TBXAS1: variants seen among roughly 807,000 people sequenced by gnomAD.
TBXAS1 encodes the protein thromboxane A synthase 1, also known as thromboxane-A synthase.
Under a neutral mutation model 60.7 loss-of-function variants are expected in TBXAS1, and 48 were observed. The observed-to-expected ratio is 0.79, with a 90% CI of 0.63 to 1.01. TBXAS1 has a LOEUF of 1.01. Ranked by LOEUF, TBXAS1 falls within the 50% of genes least tolerant of loss-of-function variation. The probability of loss-of-function intolerance (pLI) is 0.00; values close to 1 mark genes in which losing one functional copy is unlikely to be tolerated. For synonymous variants in TBXAS1, 287 were observed against 269.7 expected (o/e 1.06, Z -0.63); for missense variants, 685 against 686.3 (o/e 1.00, Z 0.02).
At chr7:139,986,726 T>C (rs1812485877) in intron 9 of TBXAS1, among the ~76,000 whole-genome samples, 1 of 59,348 alleles carries the variant, frequency 1.7e-5, no homozygotes, top group Non-Finnish European at 2.7e-5. Flanking sequence ...TTCCATCATA[T>C]ATATATATAT....
At chr7:139,993,274 C>A (rs1569523512) in intron 9 of TBXAS1, among the ~76,000 whole-genome samples, 1 of 152,136 alleles carries the variant, frequency 6.6e-6, no homozygotes, top group Non-Finnish European at 1.5e-5. Flanking sequence ...GCCCCGTCTC[C>A]AAGTATATGA....
At chr7:139,910,630 C>T (rs1805446703) in intron 3 of TBXAS1, among the ~76,000 whole-genome samples, 1 of 152,088 alleles carries the variant, frequency 6.6e-6, no homozygotes, top group Admixed American at 6.5e-5. Context: ...GAGCAAGACT[C>T]CATCACAAAA....
intron 3 of TBXAS1, among the ~76,000 whole-genome samples, chr7:139,908,474 C>A (rs896027154): frequency 2.0e-5 from 3 of 151,972 alleles, no homozygotes; most frequent in African/African-American, 7.2e-5. Context: ...TCCATTTTGG[C>A]TTATCATAAT....
intron 1 of TBXAS1, among the ~76,000 whole-genome samples, chr7:139,832,194 G>T (rs757334960): frequency 6.6e-6 from 1 of 152,130 alleles, no homozygotes; most frequent in Non-Finnish European, 1.5e-5. Flanking sequence ...GGGAAAGGGA[G>T]ACCCTCCTCT....
chr7:139,801,323 G>A (rs1415816135), intron 4 of TBXAS1, among the ~76,000 whole-genome samples: 5 of 152,140 alleles, frequency 3.3e-5, no homozygotes, highest in African/African-American at 1.2e-4. Flanking sequence ...TACAAATGCA[G>A]GTCTTGCTTC....
At position 140,010,013 on chromosome 7, in the gene TBXAS1, C is replaced by T. The variant is rs1316877428; in HGVS notation, c.1226+2831C>T. ...ACCCGCTCCACACCCGCTTCACACC[C>T]GCTCCACACCCGCCCCACACCTCCA... is the stretch of plus-strand genomic sequence containing the variant. On this transcript the variant is annotated intron_variant, in intron 10 of 12. Coordinates refer to ENST00000448866, the MANE Select transcript of TBXAS1 (RefSeq NM_001061.7). Among the ~76,000 whole-genome samples, 17 of 130,430 alleles carry T rather than the reference C, an allele frequency of 1.3e-4. 1 individual carries two copies. Among genetic ancestry groups the T allele is most frequent in the Admixed American group, 2.3e-4 (3 of 13,008 alleles). 85.6% of individuals were successfully genotyped at this position (130,430 alleles called of 152,430 possible).
intron 5 of TBXAS1, 72 bp downstream of exon 5, chr7:139,936,379 C>G: frequency 6.9e-7 from 1 of 1,451,884 alleles, no homozygotes; most frequent in Middle Eastern, 1.7e-4. Context: ...TGATGAGAGC[C>G]AGTTCATGTT....
intron 4 of TBXAS1, among the ~76,000 whole-genome samples, chr7:139,818,811 A>G (rs953695031): frequency 6.6e-5 from 10 of 152,196 alleles, no homozygotes; most frequent in Non-Finnish European, 1.3e-4. Context: ...GACGGCTCCA[A>G]TGGCTTCATG....
intron 9 of TBXAS1, among the ~76,000 whole-genome samples, chr7:139,982,070 G>A (rs1001016770): frequency 1.3e-5 from 2 of 152,144 alleles, no homozygotes; most frequent in African/African-American, 4.8e-5. Context: ...TTGTTTATGA[G>A]TTACTTAGGG....
intron 3 of TBXAS1, among the ~76,000 whole-genome samples, chr7:139,784,670 T>A (rs543381299): frequency 6.6e-6 from 1 of 152,312 alleles, no homozygotes; most frequent in African/African-American, 2.4e-5. Flanking sequence ...GGAATGACGC[T>A]GGAGATTGTA....
At chr7:139,839,564 T>A (rs146578030) in intron 1 of TBXAS1, among the ~76,000 whole-genome samples, 30 of 150,916 alleles carry the variant, frequency 2.0e-4, no homozygotes, top group Admixed American at 1.5e-3. Context: ...TCAGGCTGGG[T>A]GTGGTGGCTT....
intron 9 of TBXAS1, among the ~76,000 whole-genome samples, chr7:140,001,935 C>T (rs2116346757): frequency 6.6e-6 from 1 of 152,294 alleles, no homozygotes; most frequent in East Asian, 1.9e-4. Context: ...GTCCCTGATC[C>T]CAAATGTGGG....
intron 1 of TBXAS1, among the ~76,000 whole-genome samples, chr7:139,846,373 T>A (rs1046155878): frequency 6.6e-6 from 1 of 152,184 alleles, no homozygotes; most frequent in African/African-American, 2.4e-5. Context: ...GCAATAGATG[T>A]CAGGTCTCCG....
In TBXAS1 at chr7:140,017,976, C is replaced by T. The variant is rs1300058397; in HGVS notation, c.1527+143C>T. The T allele has an allele frequency of 5.5e-6, 6 of 1,093,516 alleles. No individual in the cohort carries two copies. In the Admixed American group the frequency reaches 9.5e-5, roughly 17 times the overall value. 67.7% of individuals were successfully genotyped at this position (1,093,516 alleles called of 1,614,324 possible). A position where few individuals can be genotyped will look rare whatever the true frequency, so the allele number is the denominator to read the frequency against. ...GGCAAGCTCCTTAACCTCTCTCGGC[C>T]TCAGTTTCTTGATTCGTAAAGTGGG... On this transcript the variant is annotated intron_variant, in intron 12 of 12. Transcript: ENST00000448866.
intron 1 of TBXAS1, among the ~76,000 whole-genome samples, chr7:139,831,907 G>C (rs1377353373): frequency 3.3e-5 from 5 of 152,166 alleles, no homozygotes. Flanking sequence ...CCTCCAGCCT[G>C]GGTGACAAAG....
At chr7:139,958,779 C>T (rs1301701867) in intron 8 of TBXAS1, among the ~76,000 whole-genome samples, 1 of 152,220 alleles carries the variant, frequency 6.6e-6, no homozygotes, top group East Asian at 1.9e-4. Context: ...AAGCTTGCAG[C>T]CCCCTCGGCC....
intron 5 of TBXAS1, among the ~76,000 whole-genome samples, chr7:139,951,988 A>AAG (rs1809427332): frequency 6.7e-6 from 1 of 149,500 alleles, no homozygotes; most frequent in Non-Finnish European, 1.5e-5. Context: ...GAAAGAAAGA[A>AAG]AGAAAGAAAG....
At chr7:139,947,617 A>G (rs1392795426) in intron 5 of TBXAS1, among the ~76,000 whole-genome samples, 1 of 152,248 alleles carries the variant, frequency 6.6e-6, no homozygotes, top group Non-Finnish European at 1.5e-5. Context: ...CAGGTTATGC[A>G]GAACCTTCCT....
rs1354543401 is a variant in TBXAS1 at position 140,015,747 on chromosome 7, C to A, written c.1251C>A (p.Asp417Glu). The change falls in exon 11 of 13, where the codon GAC (aspartate) becomes GAA (glutamate). Residue 417 changes from aspartate (D) to glutamate (E), a missense_variant. Coordinates refer to ENST00000448866, the MANE Select transcript of TBXAS1 (RefSeq NM_001061.7). ...AFRFTREAAQ[D>E]CEVLGQRIPA... ...GATTCACACGGGAGGCAGCTCAGGA[C>A]TGCGAGGTGCTGGGGCAGCGCATCC... is the stretch of plus-strand genomic sequence containing the variant. The A allele has an allele frequency of 1.2e-6, 2 of 1,613,542 alleles. No homozygotes were observed. Among genetic ancestry groups the A allele is most frequent in the East Asian group, 4.5e-5 (2 of 44,874 alleles).
Sources: gnomAD v4.1 joint callset for allele counts (sites outside exome capture counted in the v4.1 genomes callset) on GRCh38, gnomAD v4.1.1 for gene constraint, MANE v1.5 for transcripts, NCBI Gene and HGNC (gene_info 2026-07-23, HGNC 2026-07-21) for gene names.